The following METTL21A variants were observed in gnomAD, a reference collection of about 807,000 sequenced individuals.
METTL21A encodes protein N-lysine methyltransferase METTL21A.
METTL21A carries 22 observed loss-of-function variants against 20.9 expected under a neutral mutation model. That is an observed-to-expected ratio of 1.05 (90% confidence interval 0.75 to 1.50). The LOEUF (loss-of-function observed/expected upper bound fraction) is 1.50, where lower values mean the gene tolerates loss of function less well. Among genes scored for constraint, METTL21A ranks in the 40% most tolerant of loss-of-function variants. The pLI is 0.00. For missense variants in METTL21A, 271 were observed against 266.8 expected, an observed-to-expected ratio of 1.02 and a Z score of -0.11; for synonymous variants, 93 against 102.0, an observed-to-expected ratio of 0.91 and a Z score of 0.53.
At chr2:207,600,955 GAT>G (rs1403672231) in intron 3 of METTL21A, 1 of 193,324 alleles carries the variant, frequency 5.2e-6, no homozygotes, top group East Asian at 8.1e-5. Flanking sequence ...TTAATTCTAT[GAT>G]CAGCCACAGT....
downstream of METTL21A, among the ~76,000 whole-genome samples, chr2:207,608,687 A>C (rs2088499691): frequency 6.6e-6 from 1 of 152,106 alleles, no homozygotes; most frequent in Non-Finnish European, 1.5e-5. Flanking sequence ...ATCCCAGCAC[A>C]TTGGGAGGCT....
rs547518900 is a variant in METTL21A, at chr2:207,591,805, G to T, written c.260-9645C>A. Among the ~76,000 whole-genome samples, 3 of 152,194 alleles carry T rather than the reference G, an allele frequency of 2.0e-5. No individual in the cohort carries two copies. The East Asian group carries it at 5.8e-4, about 29-fold the overall frequency. On this transcript the variant is annotated intron_variant, in intron 3 of 3. Transcript: ENST00000425132. ...TCTTCTCTGTTTATATTTGAAGTGGGATTCTTGTAGATGGCATATACTTAG... is the reference window on the plus strand; with the variant it reads ...TCTTCTCTGTTTATATTTGAAGTGGTATTCTTGTAGATGGCATATACTTAG...
chr2:207,603,515 T>G (rs2087491944), intron 3 of METTL21A: 1 of 224,736 alleles, frequency 4.4e-6, no homozygotes, highest in African/African-American at 2.2e-5. Context: ...TTTATTGGAC[T>G]TAAAGTTACA....
At chr2:207,604,962 C>T (rs780689395), downstream of METTL21A, among the ~76,000 whole-genome samples, 14 of 152,138 alleles carry the variant, frequency 9.2e-5, no homozygotes, top group Non-Finnish European at 1.9e-4. Flanking sequence ...TAGATATATA[C>T]CACAAGTTTA....
chr2:207,621,848 C>G (rs1484757591), exon 3 of METTL21A: 1 of 1,614,202 alleles, frequency 6.2e-7, no homozygotes, highest in East Asian at 2.2e-5. Flanking sequence ...GTGCCAGCAC[C>G]CAGCTCCACG....
intron 3 of METTL21A, 104 bp downstream of exon 3, chr2:207,621,702 T>C: frequency 1.0e-6 from 1 of 978,090 alleles, no homozygotes; most frequent in South Asian, 1.4e-5. Context: ...CAAAAGATAA[T>C]AACCCAGTAA....
At chr2:207,620,877 T>A (rs2090403361) in intron 3 of METTL21A, 1 of 531,312 alleles carries the variant, frequency 1.9e-6, no homozygotes, top group Non-Finnish European at 3.3e-6. Context: ...TCCTCAAATA[T>A]CTGTAGACAA....
At chr2:207,580,638 C>G (rs2082851134), downstream of METTL21A, 1 of 219,506 alleles carries the variant, frequency 4.6e-6, no homozygotes, top group Non-Finnish European at 9.1e-6. Context: ...AAATTCATCA[C>G]TATCCAAATT....
chr2:207,605,571 G>GTGTTA (rs72258540), downstream of METTL21A, among the ~76,000 whole-genome samples: 1 of 151,980 alleles, frequency 6.6e-6, no homozygotes, highest in Non-Finnish European at 1.5e-5. Context: ...GAAGTTTTTT[G>GTGTTA]TGTTATGTTT....
At chr2:207,615,913 T>C (rs139762272) in intron 3 of METTL21A, among the ~76,000 whole-genome samples, 1 of 146,546 alleles carries the variant, frequency 6.8e-6, no homozygotes, top group Non-Finnish European at 1.5e-5. Context: ...TCTATGATTG[T>C]TTTTTTTTTC....
downstream of METTL21A, chr2:207,609,523 C>G (rs1043801210): frequency 6.6e-6 from 1 of 152,060 alleles, no homozygotes; most frequent in Non-Finnish European, 1.5e-5. Flanking sequence ...CATTCTTGGC[C>G]CTCAAGGAGC....
intron 3 of METTL21A, among the ~76,000 whole-genome samples, chr2:207,592,911 C>CAAAAAAGAAAAAAGAAAAGAA (rs146008919): frequency 6.9e-6 from 1 of 145,122 alleles, no homozygotes; most frequent in South Asian, 2.2e-4. Context: ...GACTCCATCT[C>CAAAAAAGAAAAAAGAAAAGAA]AAAAAAGAAA....
intron 1 of METTL21A, 104 bp from the exon 2 acceptor site, chr2:207,624,508 A>T: frequency 1.0e-6 from 1 of 999,522 alleles, no homozygotes. Context: ...TTCAAAAGAA[A>T]AAAAGAAACA....
intron 3 of METTL21A, chr2:207,602,265 A>G (rs2087194364): frequency 5.3e-6 from 1 of 188,550 alleles, no homozygotes; most frequent in Non-Finnish European, 1.1e-5. Flanking sequence ...ATAAAATAGA[A>G]CAAAGCCGGT....
intron 3 of METTL21A, among the ~76,000 whole-genome samples, chr2:207,591,025 A>G (rs980270298): frequency 3.3e-5 from 5 of 152,184 alleles, no homozygotes; most frequent in African/African-American, 9.6e-5. Flanking sequence ...ATAATCGAGG[A>G]TCTTCCCAGG....
chr2:207,595,429 T>C (rs1479653535), intron 3 of METTL21A, among the ~76,000 whole-genome samples: 2 of 151,936 alleles, frequency 1.3e-5, no homozygotes, highest in Admixed American at 6.6e-5. Flanking sequence ...ATTTTTTTTT[T>C]CCCTTTCTTT....
chr2:207,582,458 T>C (rs537399889), intron 3 of METTL21A, among the ~76,000 whole-genome samples: 1 of 152,356 alleles, frequency 6.6e-6, no homozygotes, highest in South Asian at 2.1e-4. Context: ...ACACATACTT[T>C]GGGAGTTATA....
At chr2:207,617,036 A>G (rs2089852526) in intron 3 of METTL21A, among the ~76,000 whole-genome samples, 1 of 152,218 alleles carries the variant, frequency 6.6e-6, no homozygotes, top group Non-Finnish European at 1.5e-5. Context: ...ATGCTGGGTA[A>G]GGAGGGTGAG....
chr2:207,625,624 G>A (rs1286360452), upstream of METTL21A: 1 of 152,354 alleles, frequency 6.6e-6, no homozygotes, highest in African/African-American at 2.4e-5. Flanking sequence ...CGGGTGCACA[G>A]GGAGAGCATG....
Sources: gnomAD v4.1 joint callset for allele counts (sites outside exome capture counted in the v4.1 genomes callset) on GRCh38, gnomAD v4.1.1 for gene constraint, MANE v1.5 for transcripts, NCBI Gene and HGNC (gene_info 2026-07-23, HGNC 2026-07-21) for gene names.